Variants in SPIRE1 observed in about 807,000 individuals in gnomAD.
The protein encoded by SPIRE1 is protein spire homolog 1.
Under a neutral mutation model 94.1 loss-of-function variants are expected in SPIRE1, and 40 were observed. The ratio of observed to expected loss-of-function variants is 0.43; its 90% CI spans 0.33 to 0.55. The LOEUF (loss-of-function observed/expected upper bound fraction) is 0.55, where lower values mean the gene tolerates loss of function less well. SPIRE1 is among the 20% of genes least tolerant of loss of function. The pLI is 0.06. For missense variants in SPIRE1, 838 were observed against 975.2 expected, an observed-to-expected ratio of 0.86 and a Z score of 1.87; for synonymous variants, 376 against 371.7, an observed-to-expected ratio of 1.01 and a Z score of -0.13.
In SPIRE1 at chr18:12,559,458, C is replaced by G. The variant is rs1374802347; in HGVS notation, c.373-12554G>C. Among the ~76,000 whole-genome samples, 1 of 152,192 alleles carries G rather than the reference C, an allele frequency of 6.6e-6. No homozygotes were observed. The highest frequency in any genetic ancestry group is 1.9e-4 in the East Asian group (1 of 5,192). ...CACCACGCGCAGCCCTGGTTGCCAC[C>G]CGCGCCTCTCCCTCCACACCTCCCT... On this transcript the variant is annotated intron_variant, in intron 2 of 16. Coordinates refer to ENST00000409402, the MANE Select transcript of SPIRE1 (RefSeq NM_001128626.2). This position sits in a 1 kb window ranked among gnomAD's most constrained non-coding sequence, Gnocchi z 4.7.
intron 2 of SPIRE1, among the ~76,000 whole-genome samples, chr18:12,613,604 T>C (rs565070985): frequency 2.6e-5 from 4 of 152,360 alleles, no homozygotes; most frequent in African/African-American, 4.8e-5. Context: ...AGCTCATTAA[T>C]AATTTTCGTA....
At chr18:12,485,446 A>G (rs1187444385) in intron 9 of SPIRE1, among the ~76,000 whole-genome samples, 2 of 152,194 alleles carry the variant, frequency 1.3e-5, no homozygotes, top group East Asian at 3.8e-4. Flanking sequence ...GTCATTCATG[A>G]CTAGGCTCTA....
chr18:12,633,396 G>A (rs2037834353), intron 2 of SPIRE1, among the ~76,000 whole-genome samples: 1 of 152,008 alleles, frequency 6.6e-6, no homozygotes, highest in African/African-American at 2.4e-5. Context: ...GGCCAACATG[G>A]TAAAACCCCG....
Position 12,449,175 on chromosome 18 carries a change from G to A in SPIRE1, c.*463C>T, listed in dbSNP as rs964561052. Reference sequence around the variant, plus strand: ...GTGCTGTGAGCCCCCAGGTCGTGGAGTGTAGGGCTCTGGATCTCTCTGTAC... The same window carrying A: ...GTGCTGTGAGCCCCCAGGTCGTGGAATGTAGGGCTCTGGATCTCTCTGTAC... On this transcript the variant is annotated 3_prime_UTR_variant, in exon 17 of 17. Transcript: ENST00000409402. 1 of 158,836 alleles carries A rather than the reference G, an allele frequency of 6.3e-6. No homozygotes were observed. The highest frequency in any genetic ancestry group is 1.4e-5 in the Non-Finnish European group (1 of 71,766). The allele number at this position is 158,836 out of a possible 1,614,324, so 9.8% of individuals were successfully genotyped here. A position where few individuals can be genotyped will look rare whatever the true frequency, so the allele number is the denominator to read the frequency against.
intron 2 of SPIRE1, among the ~76,000 whole-genome samples, chr18:12,552,669 TCC>T (rs1174018472): frequency 6.6e-6 from 1 of 152,080 alleles, no homozygotes; most frequent in Non-Finnish European, 1.5e-5. Context: ...CCTATTCTGT[TCC>T]GTTCTAATTA....
intron 10 of SPIRE1, among the ~76,000 whole-genome samples, chr18:12,474,898 T>C (rs2143709191): frequency 6.6e-6 from 1 of 152,250 alleles, no homozygotes; most frequent in East Asian, 1.9e-4. Flanking sequence ...AAGTAGGTGA[T>C]ACAACTGAGA....
At chr18:12,484,670 G>A (rs2032969528) in intron 9 of SPIRE1, among the ~76,000 whole-genome samples, 1 of 152,158 alleles carries the variant, frequency 6.6e-6, no homozygotes, top group Admixed American at 6.5e-5. Flanking sequence ...AAATATTTGT[G>A]CCAACATCTC....
At chr18:12,647,058 A>G (rs2144874824) in intron 1 of SPIRE1, among the ~76,000 whole-genome samples, 1 of 152,174 alleles carries the variant, frequency 6.6e-6, no homozygotes, top group East Asian at 1.9e-4. Flanking sequence ...AAAAAAAAAA[A>G]AAGCATTAGC....
At chr18:12,465,822 G>A (rs2032071730) in intron 10 of SPIRE1, among the ~76,000 whole-genome samples, 1 of 152,036 alleles carries the variant, frequency 6.6e-6, no homozygotes, top group South Asian at 2.1e-4. Context: ...ACGGTGGCTC[G>A]CACCTATAAT....
intron 10 of SPIRE1, among the ~76,000 whole-genome samples, chr18:12,469,549 A>C (rs923361733): frequency 6.9e-6 from 1 of 145,740 alleles, no homozygotes; most frequent in Non-Finnish European, 1.5e-5. Flanking sequence ...TTTCATGCTT[A>C]CTCTTTATAT....
chr18:12,657,928 G>A lies in SPIRE1; in HGVS notation c.-62C>T, dbSNP rs1249125564. The stretch of plus-strand genomic sequence containing the variant: ...GTGCCGGCGTCTCCTCAGCTCCGGA[G>A]CATCGTCGTCGCGCGCCGCCGCCTC... On this transcript the variant is annotated 5_prime_UTR_variant, in exon 1 of 17. Coordinates refer to ENST00000409402, the MANE Select transcript of SPIRE1 (RefSeq NM_001128626.2). 3.9e-6 allele frequency: 4 copies of A among 1,018,626 alleles called. No homozygotes were observed. The highest frequency in any genetic ancestry group is 4.7e-6 in the Non-Finnish European group (4 of 853,928). 63.1% of individuals were successfully genotyped at this position (1,018,626 alleles called of 1,614,324 possible). A position where few individuals can be genotyped will look rare whatever the true frequency, so the allele number is the denominator to read the frequency against.
intron 2 of SPIRE1, among the ~76,000 whole-genome samples, chr18:12,554,751 A>AG (rs2035451494): frequency 6.6e-6 from 1 of 152,248 alleles, no homozygotes; most frequent in Non-Finnish European, 1.5e-5. Context: ...ATAAAGTACT[A>AG]GCAAATCAAA....
chr18:12,467,995 GTTGTTACCT>G (rs547304020), intron 10 of SPIRE1, among the ~76,000 whole-genome samples: 126 of 152,112 alleles, frequency 8.3e-4, no homozygotes, highest in African/African-American at 2.9e-3. Flanking sequence ...AATTTTACAC[GTTGTTACCT>G]TTGTTAGTGT....
At chr18:12,522,653 G>A (rs1025296680) in intron 4 of SPIRE1, among the ~76,000 whole-genome samples, 1 of 152,184 alleles carries the variant, frequency 6.6e-6, no homozygotes, top group Non-Finnish European at 1.5e-5. Context: ...TGACTCTCTT[G>A]TTAGGGGCTA....
At chr18:12,478,608 GGT>G (rs1389779435) in intron 10 of SPIRE1, among the ~76,000 whole-genome samples, 2 of 151,432 alleles carry the variant, frequency 1.3e-5, no homozygotes, top group East Asian at 3.9e-4. Flanking sequence ...GTGTAGCTAG[GGT>G]GTGTGTGTGC....
intron 4 of SPIRE1, among the ~76,000 whole-genome samples, chr18:12,528,031 TG>T (rs2034575806): frequency 6.8e-6 from 1 of 146,772 alleles, no homozygotes; most frequent in African/African-American, 2.6e-5. Flanking sequence ...CACTCCAACC[TG>T]GGTGACAGAG....
At chr18:12,518,887 A>AT (rs1330149416) in intron 4 of SPIRE1, among the ~76,000 whole-genome samples, 1 of 152,198 alleles carries the variant, frequency 6.6e-6, no homozygotes, top group Non-Finnish European at 1.5e-5. Context: ...GGGAAAGAAG[A>AT]TTTTATCACA....
At chr18:12,617,049 G>A (rs1209037317) in intron 2 of SPIRE1, among the ~76,000 whole-genome samples, 4 of 149,818 alleles carry the variant, frequency 2.7e-5, no homozygotes, top group East Asian at 2.0e-4. Context: ...TAGTAGAGAC[G>A]GGGTTTCACT....
intron 1 of SPIRE1, among the ~76,000 whole-genome samples, chr18:12,651,139 T>C (rs1356522663): frequency 1.3e-5 from 2 of 152,206 alleles, no homozygotes; most frequent in African/African-American, 4.8e-5. Flanking sequence ...TACTTGTACA[T>C]AGTAGGAACT....
Sources: gnomAD v4.1 joint callset for allele counts (sites outside exome capture counted in the v4.1 genomes callset) on GRCh38, gnomAD v4.1.1 for gene constraint, Gnocchi (gnomAD v3.1) non-coding constraint, MANE v1.5 for transcripts, NCBI Gene and HGNC (gene_info 2026-07-23, HGNC 2026-07-21) for gene names.